The following ADAMTS9 variants were observed in gnomAD, a reference collection of about 807,000 sequenced individuals.
ADAMTS9 encodes the protein A disintegrin and metalloproteinase with thrombospondin motifs 9.
Under a neutral mutation model 257.1 loss-of-function variants are expected in ADAMTS9, and 107 were observed. The observed-to-expected ratio is 0.42, with a 90% CI of 0.36 to 0.49. The LOEUF (loss-of-function observed/expected upper bound fraction) is 0.49. Among genes scored for constraint, ADAMTS9 ranks in the 20% least tolerant of loss-of-function variants. The pLI, the probability that ADAMTS9 is intolerant of heterozygous loss-of-function variation, is 0.03. For synonymous variants in ADAMTS9, 982 were observed against 880.9 expected, an observed-to-expected ratio of 1.11 and a Z score of -2.03; for missense variants, 2,353 against 2,469.1, an observed-to-expected ratio of 0.95 and a Z score of 1.00.
chr3:64,524,212 A>G (rs903962519), intron 38 of ADAMTS9, among the ~76,000 whole-genome samples: 1 of 152,216 alleles, frequency 6.6e-6, no homozygotes, highest in African/African-American at 2.4e-5. Flanking sequence ...TGCAAAGGAA[A>G]TCTTTTTATG....
chr3:64,633,799 T>C lies in ADAMTS9; in HGVS notation c.1937A>G (p.Lys646Arg). ...ACACTGTTCATCTCGGAAGTCTCGC[T>C]TCTGCTTGAGACATGGCTCCGTGTT... The part of the protein sequence containing the change: ...SCNTEPCLKQ[K>R]RDFRDEQCAH... Residue 646 changes from lysine to arginine, a missense_variant, in exon 13 of 40, where the codon AAG becomes AGG. Around this residue, in one of 3 missense-constraint regions of ADAMTS9, gnomAD observed 360 missense variants for 458.1 expected, o/e 0.79. Coordinates refer to ENST00000498707, the MANE Select transcript of ADAMTS9 (RefSeq NM_182920.2). The C allele has an allele frequency of 6.2e-7, 1 of 1,613,452 alleles. No homozygotes were observed. The highest frequency in any genetic ancestry group is 8.5e-7 in the Non-Finnish European group (1 of 1,179,896).
intron 12 of ADAMTS9, among the ~76,000 whole-genome samples, chr3:64,639,220 C>T (rs1280629527): frequency 1.4e-5 from 2 of 148,122 alleles, no homozygotes; most frequent in African/African-American, 5.0e-5. Flanking sequence ...TTAACAGGGA[C>T]ATCCTAAAGT....
chr3:64,573,052 G>T (rs2083734232), intron 28 of ADAMTS9, among the ~76,000 whole-genome samples: 2 of 146,928 alleles, frequency 1.4e-5, no homozygotes, highest in African/African-American at 5.1e-5. Flanking sequence ...ACTCCAGCCT[G>T]GCGACGGAGT....
intron 3 of ADAMTS9, among the ~76,000 whole-genome samples, chr3:64,664,417 C>T (rs1283617014): frequency 6.6e-6 from 1 of 152,178 alleles, no homozygotes; most frequent in Non-Finnish European, 1.5e-5. Flanking sequence ...TCCGATACCT[C>T]TTAGCAGCCA....
chr3:64,624,854 A>G (rs77649539), intron 16 of ADAMTS9, among the ~76,000 whole-genome samples: 3,910 of 152,256 alleles, frequency 0.026, 169 homozygotes, highest in African/African-American at 0.089. Context: ...TTTTCCTTTT[A>G]GTATTTAATT....
In ADAMTS9 at chr3:64,539,255, G is replaced by C; in HGVS notation, c.5561C>G (p.Pro1854Arg). The C allele has an allele frequency of 6.2e-7, 1 of 1,614,100 alleles. No homozygotes were observed. Among genetic ancestry groups the C allele is most frequent in the Non-Finnish European group, 8.5e-7 (1 of 1,179,958 alleles). ...LQFARTSEGH[P>R]VPFATAGDCY... is the part of the protein sequence containing the mutation. ...ATCCCCGGCTGTGGCAAAAGGGACG[G>C]GATGTCCTTCGCTTGTCCTTGCAAA... The change falls in exon 37 of 40, where the codon CCC (proline) becomes CGC (arginine). Residue 1854 changes from proline (P) to arginine (R), a missense_variant. By Grantham distance (103) the Pro-to-Arg change is moderately radical (BLOSUM62 -2). Coordinates refer to ENST00000498707, the MANE Select transcript of ADAMTS9 (RefSeq NM_182920.2).
chr3:64,658,532 A>C lies in ADAMTS9; in HGVS notation c.939T>G (p.Leu313=). Residue 313 remains leucine, a synonymous_variant, in exon 4 of 40, where the codon CTT becomes CTG. Coordinates refer to ENST00000498707, the MANE Select transcript of ADAMTS9 (RefSeq NM_182920.2). ...ACATTAAAGTTAAAATATAGTGTTG[A>C]AGGTTTTCTCCATGGTATGAAACCA... ...NRMVSYHGEN[L]QHYILTLMSI... The C allele has an allele frequency of 6.2e-7, 1 of 1,613,396 alleles. No homozygotes were observed. Among genetic ancestry groups the C allele is most frequent in the Non-Finnish European group, 8.5e-7 (1 of 1,179,822 alleles).
intron 16 of ADAMTS9, among the ~76,000 whole-genome samples, chr3:64,623,052 G>C (rs1051002125): frequency 1.3e-5 from 2 of 152,132 alleles, no homozygotes; most frequent in African/African-American, 4.8e-5. Context: ...TTGTTTGACA[G>C]ATGTTGAAAT....
chr3:64,560,011 T>C (rs1432603875), intron 30 of ADAMTS9, among the ~76,000 whole-genome samples: 1 of 152,198 alleles, frequency 6.6e-6, no homozygotes, highest in African/African-American at 2.4e-5. Context: ...GAGTCTCCTC[T>C]TCCTTCTATA....
rs1559741938 is a variant in ADAMTS9 at position 64,517,422 on chromosome 3, T to TTTTTTTTTTTTTTTTTA, written c.*6-302_*6-301insTAAAAAAAAAAAAAAAA. ...GCCCAGCTAATTAAAAATGGTTTTTTTTTTTTTTTTTTTTTTTGCAGAAAT... is the reference window on the plus strand; with the variant it reads ...GCCCAGCTAATTAAAAATGGTTTTTTTTTTTTTTTTTTTTTTATTTTTTTTTTTTTTTTTGCAGAAAT... On this transcript the variant is annotated intron_variant, in intron 39 of 39. Coordinates refer to ENST00000498707, the MANE Select transcript of ADAMTS9 (RefSeq NM_182920.2). Among the ~76,000 whole-genome samples the TTTTTTTTTTTTTTTTTA allele has an allele frequency of 1.6e-5, 2 of 122,878 alleles. 1 individual carries two copies. Among genetic ancestry groups the TTTTTTTTTTTTTTTTTA allele is most frequent in the Non-Finnish European group, 3.5e-5 (2 of 57,628 alleles). The allele number at this position is 122,878 out of a possible 152,430, so 80.6% of individuals were successfully genotyped here.
chr3:64,602,263 T>G (rs756574652), intron 25 of ADAMTS9, 50 bp from the exon 26 acceptor site: 3 of 1,589,890 alleles, frequency 1.9e-6, no homozygotes, highest in Non-Finnish European at 2.6e-6. Context: ...GGTGGAGGGG[T>G]TGACAATTCC....
At chr3:64,561,532 G>C (rs780411856) in intron 30 of ADAMTS9, 46 bp downstream of exon 30, 67 of 1,573,426 alleles carry the variant, frequency 4.3e-5, no homozygotes, top group African/African-American at 1.9e-4. Context: ...AGCAAGGGGC[G>C]CACACGTGAA....
intron 16 of ADAMTS9, among the ~76,000 whole-genome samples, chr3:64,625,973 G>C (rs1275507700): frequency 6.6e-5 from 10 of 152,168 alleles, no homozygotes; most frequent in Admixed American, 6.5e-4. Flanking sequence ...AAGTGAACTG[G>C]TTAAGTGTGT....
At chr3:64,640,584 A>G (rs988660006) in intron 12 of ADAMTS9, among the ~76,000 whole-genome samples, 2 of 152,232 alleles carry the variant, frequency 1.3e-5, no homozygotes, top group African/African-American at 4.8e-5. Flanking sequence ...AAAATCCCAA[A>G]GCAGCTGGGG....
chr3:64,539,093 C>A, intron 37 of ADAMTS9, 110 bp downstream of exon 37: 1 of 1,140,058 alleles, frequency 8.8e-7, no homozygotes, highest in South Asian at 1.3e-5. Flanking sequence ...CCAAACTGCC[C>A]TCTAGAGCAA....
chr3:64,562,957 C>A (rs1466717526), intron 29 of ADAMTS9: 1 of 152,180 alleles, frequency 6.6e-6, no homozygotes, highest in African/African-American at 2.4e-5. Flanking sequence ...CATACTGTTT[C>A]AGATAAATCT....
In ADAMTS9 at chr3:64,570,921, G is replaced by T. The variant is rs182277372; in HGVS notation, c.4357-2386C>A. 1.1e-3 allele frequency among the ~76,000 whole-genome samples: 164 copies of T among 152,120 alleles called. 1 individual carries two copies. The highest frequency in any genetic ancestry group is 1.8e-3 in the Non-Finnish European group (121 of 67,970). ...TCTAGGAAATGAGTTGAACTTAAAG[G>T]ATATAGAATCATGGGTGGTAAAATT... On this transcript the variant is annotated intron_variant, in intron 28 of 39. Transcript: ENST00000498707.
chr3:64,658,927 G>C, intron 3 of ADAMTS9, 136 bp from the exon 4 acceptor site: 1 of 869,162 alleles, frequency 1.2e-6, no homozygotes, highest in Non-Finnish European at 1.8e-6. Context: ...GGACTCTACA[G>C]ATGCACCTCA....
intron 32 of ADAMTS9, among the ~76,000 whole-genome samples, chr3:64,542,338 T>C (rs1464213547): frequency 2.6e-5 from 4 of 152,114 alleles, no homozygotes; most frequent in African/African-American, 9.7e-5. Flanking sequence ...TTTAAGGAAT[T>C]TGTTCAAGGT....
Sources: gnomAD v4.1 joint callset for allele counts (sites outside exome capture counted in the v4.1 genomes callset) on GRCh38, gnomAD v4.1.1 for gene constraint, gnomAD v4.1.1 regional missense constraint, MANE v1.5 for transcripts, NCBI Gene and HGNC (gene_info 2026-07-23, HGNC 2026-07-21) for gene names.